SCGN: variants seen among roughly 807,000 people sequenced by gnomAD.
SCGN encodes secretagogin, EF-hand calcium binding protein.
SCGN carries 30 observed loss-of-function variants against 39.7 expected under a neutral mutation model. The ratio of observed to expected loss-of-function variants is 0.76; its 90% confidence interval spans 0.57 to 1.03. The LOEUF (loss-of-function observed/expected upper bound fraction) is 1.03, where lower values mean the gene tolerates loss of function less well. Among genes scored for constraint, SCGN ranks in the 50% least tolerant of loss-of-function variants. The probability of loss-of-function intolerance (pLI) is 0.00; values close to 1 mark genes in which losing one functional copy is unlikely to be tolerated. For synonymous variants in SCGN, 106 were observed against 114.1 expected (o/e 0.93, Z 0.45); for missense variants, 353 against 349.4 (o/e 1.01, Z -0.08).
Position 25,701,366 on chromosome 6 carries a change from A to G in SCGN, c.*31A>G, listed in dbSNP as rs1231915448. 1.2e-5 allele frequency: 19 copies of G among 1,600,360 alleles called. No homozygotes were observed. The highest frequency in any genetic ancestry group is 1.7e-5 in the Admixed American group (1 of 58,124). ...GACTGCTTTGCCTTTTGCTCTTACT[A>G]TGTTTCTGTGATCTTGCTGGTAGAA... On this transcript the variant is annotated 3_prime_UTR_variant, in exon 11 of 11. Transcript: ENST00000377961.
At chr6:25,697,248 T>C (rs1005183379) in intron 10 of SCGN, among the ~76,000 whole-genome samples, 5 of 152,250 alleles carry the variant, frequency 3.3e-5, no homozygotes, top group African/African-American at 9.6e-5. Context: ...TAAGCAATAA[T>C]GTCTTAACTT....
intron 4 of SCGN, among the ~76,000 whole-genome samples, chr6:25,668,699 CAGACATACTTGGG>C (rs745797820): frequency 2.3e-4 from 35 of 152,328 alleles, no homozygotes; most frequent in Admixed American, 1.0e-3. Flanking sequence ...CAGGGACAGG[CAGACATACTTGGG>C]ACAGGCTTTG....
intron 6 of SCGN, chr6:25,679,157 T>C (rs1156560042): frequency 6.5e-6 from 1 of 153,236 alleles, no homozygotes. Flanking sequence ...CACTTCTGAT[T>C]GTGTGGGTGC....
intron 2 of SCGN, among the ~76,000 whole-genome samples, chr6:25,656,819 G>A (rs1760235948): frequency 2.0e-5 from 3 of 152,160 alleles, no homozygotes; most frequent in African/African-American, 4.8e-5. Flanking sequence ...TCTGGCCACT[G>A]TTACTTTGAC....
At chr6:25,658,613 A>AT (rs753777933) in intron 2 of SCGN, among the ~76,000 whole-genome samples, 1 of 152,258 alleles carries the variant, frequency 6.6e-6, no homozygotes, top group East Asian at 1.9e-4. Flanking sequence ...TATAGATGCT[A>AT]TTTTTTAGTT....
chr6:25,689,627 T>TA (rs1293505849), intron 9 of SCGN, 95 bp downstream of exon 9: 2 of 968,028 alleles, frequency 2.1e-6, no homozygotes, highest in Non-Finnish European at 3.3e-6. Flanking sequence ...ACCCTAAACT[T>TA]ACATGATGAA....
At chr6:25,663,486 G>C (rs1173013778) in intron 3 of SCGN, among the ~76,000 whole-genome samples, 1 of 152,110 alleles carries the variant, frequency 6.6e-6, no homozygotes, top group African/African-American at 2.4e-5. Context: ...TATGTATGAG[G>C]TATGTTCCTA....
intron 4 of SCGN, among the ~76,000 whole-genome samples, chr6:25,666,321 C>G (rs2151378442): frequency 6.6e-6 from 1 of 152,058 alleles, no homozygotes; most frequent in Admixed American, 6.5e-5. Flanking sequence ...CACCATTGCA[C>G]TCCAGCCTCA....
intron 10 of SCGN, among the ~76,000 whole-genome samples, chr6:25,693,832 C>A (rs969779415): frequency 6.6e-6 from 1 of 152,132 alleles, no homozygotes; most frequent in Non-Finnish European, 1.5e-5. Flanking sequence ...TCTAGGCTGA[C>A]CCCCTGGGGT....
intron 3 of SCGN, among the ~76,000 whole-genome samples, chr6:25,663,715 G>A (rs1304131811): frequency 6.6e-6 from 1 of 152,066 alleles, no homozygotes; most frequent in Admixed American, 6.5e-5. Flanking sequence ...GATAAAAAGG[G>A]GATATTTATA....
chr6:25,698,459 A>AT, intron 10 of SCGN, among the ~76,000 whole-genome samples: 2 of 152,340 alleles, frequency 1.3e-5, no homozygotes, highest in Non-Finnish European at 2.9e-5. Flanking sequence ...CCACTTGAGT[A>AT]TTTTCTAATA....
intron 1 of SCGN, 146 bp from the exon 2 acceptor site, chr6:25,653,236 T>G (rs73397697): frequency 0.011 from 6,440 of 607,018 alleles, 270 homozygotes; most frequent in African/African-American, 0.095. Flanking sequence ...ATTCTAGAGG[T>G]AGGTGTTGGC....
intron 10 of SCGN, among the ~76,000 whole-genome samples, chr6:25,697,850 T>C (rs1759857902): frequency 6.6e-6 from 1 of 152,212 alleles, no homozygotes; most frequent in Non-Finnish European, 1.5e-5. Flanking sequence ...TGATAAAAAA[T>C]ATACACTTTG....
At chr6:25,692,887 G>T (rs1303058845) in intron 10 of SCGN, among the ~76,000 whole-genome samples, 1 of 152,068 alleles carries the variant, frequency 6.6e-6, no homozygotes, top group East Asian at 1.9e-4. Flanking sequence ...AGAACTGATT[G>T]GAATTTTTTT....
At chr6:25,693,965 T>C (rs1759807741) in intron 10 of SCGN, among the ~76,000 whole-genome samples, 1 of 152,204 alleles carries the variant, frequency 6.6e-6, no homozygotes, top group African/African-American at 2.4e-5. Flanking sequence ...CATAAAGTTG[T>C]CATGAAGATT....
At chr6:25,697,354 A>C (rs915154455) in intron 10 of SCGN, among the ~76,000 whole-genome samples, 4 of 152,200 alleles carry the variant, frequency 2.6e-5, no homozygotes, top group Non-Finnish European at 5.9e-5. Flanking sequence ...GTTACAGAAT[A>C]AGGTTCTGGT....
At chr6:25,665,579 C>T (rs888297065) in intron 4 of SCGN, among the ~76,000 whole-genome samples, 1 of 152,188 alleles carries the variant, frequency 6.6e-6, no homozygotes, top group Non-Finnish European at 1.5e-5. Context: ...CGCTTTCCCT[C>T]TGGGCTACCC....
In SCGN at chr6:25,701,438, A is replaced by G. The variant is rs911318455; in HGVS notation, c.*103A>G. On this transcript the variant is annotated 3_prime_UTR_variant, in exon 11 of 11. Transcript: ENST00000377961. ...GGGAACACAGTGGGCAAACTCACAAATGGTGTGCTATTCTTGGGCAAGAAC... is the reference window on the plus strand; with the variant it reads ...GGGAACACAGTGGGCAAACTCACAAGTGGTGTGCTATTCTTGGGCAAGAAC... 1.0e-5 allele frequency: 15 copies of G among 1,441,532 alleles called. No individual in the cohort carries two copies. The highest frequency in any genetic ancestry group is 4.0e-5 in the Admixed American group (2 of 50,128). 89.3% of individuals were successfully genotyped at this position (1,441,532 alleles called of 1,614,324 possible).
chr6:25,689,640 C>T (rs1759751557), intron 9 of SCGN, 108 bp downstream of exon 9: 15 of 847,562 alleles, frequency 1.8e-5, no homozygotes, highest in Non-Finnish European at 3.0e-5. Context: ...ATGATGAATA[C>T]CAATCCCATC....
Sources: gnomAD v4.1 joint callset for allele counts (sites outside exome capture counted in the v4.1 genomes callset) on GRCh38, gnomAD v4.1.1 for gene constraint, MANE v1.5 for transcripts, NCBI Gene and HGNC (gene_info 2026-07-23, HGNC 2026-07-21) for gene names.